AMZ1: variants seen among roughly 807,000 people sequenced by gnomAD.
AMZ1 encodes archaelysin family metallopeptidase 1, also known as archaemetzincin-1.
AMZ1 carries 39 observed loss-of-function variants against 29.9 expected under a neutral mutation model. The observed-to-expected ratio is 1.30, with a 90% CI of 1.01 to 1.70. The LOEUF is 1.70. Ranked by LOEUF, AMZ1 falls within the 40% of genes most tolerant of loss-of-function variation. The probability of loss-of-function intolerance (pLI) is 0.00; values close to 1 mark genes in which losing one functional copy is unlikely to be tolerated. For missense variants in AMZ1, 1,041 were observed against 680.6 expected (o/e 1.53, Z -5.89); for synonymous variants, 458 against 304.0 (o/e 1.51, Z -5.27).
chr7:2,737,277 T>TTGTTTTG lies in AMZ1; in HGVS notation n.551-27434_551-27433insGTTTTGT, dbSNP rs1355722823. On this transcript the variant is annotated intron_variant and non_coding_transcript_variant, in intron 4 of 4. Transcript: ENST00000489665. ...AGCTATCTCACAGTTTTGTTTTGTT[T>TTGTTTTG]TTTTTTTTTTTGTTTTTTTTTTTTT... is the stretch of plus-strand genomic sequence containing the variant. Among the ~76,000 whole-genome samples the TTGTTTTG allele has an allele frequency of 2.2e-3, 146 of 67,602 alleles. 2 individuals are homozygous for TTGTTTTG. Among genetic ancestry groups the TTGTTTTG allele is most frequent in the African/African-American group, 9.2e-3 (141 of 15,264 alleles). The allele number at this position is 67,602 out of a possible 152,430, so 44.3% of individuals were successfully genotyped here. A position where few individuals can be genotyped will look rare whatever the true frequency, so the allele number is the denominator to read the frequency against.
intron 4 of AMZ1, among the ~76,000 whole-genome samples, chr7:2,737,264 G>GTT (rs201866976): frequency 9.0e-4 from 47 of 52,474 alleles, no homozygotes; most frequent in East Asian, 3.3e-3. Context: ...CTATCTCACA[G>GTT]TTTTGTTTTG....
At chr7:2,697,399 A>G (rs1787807571) in intron 1 of AMZ1, among the ~76,000 whole-genome samples, 1 of 151,888 alleles carries the variant, frequency 6.6e-6, no homozygotes. Flanking sequence ...GCCCGGCTCT[A>G]TTTTTTATTT....
chr7:2,701,507 C>CCAGG (rs1000710345), intron 2 of AMZ1, among the ~76,000 whole-genome samples: 3 of 152,096 alleles, frequency 2.0e-5, no homozygotes, highest in African/African-American at 7.2e-5. Flanking sequence ...TCTGGGGGAC[C>CCAGG]CAGGGTGAAT....
chr7:2,741,622 T>C (rs2086616351), intron 4 of AMZ1, among the ~76,000 whole-genome samples: 1 of 152,138 alleles, frequency 6.6e-6, no homozygotes, highest in South Asian at 2.1e-4. Flanking sequence ...AAAGAGCTCA[T>C]ACAGTCTTTC....
At chr7:2,700,792 G>A (rs1458861087) in intron 2 of AMZ1, 37 bp downstream of exon 2, 1 of 1,600,008 alleles carries the variant, frequency 6.2e-7, no homozygotes, top group Non-Finnish European at 8.5e-7. Context: ...CGCTCCTGGG[G>A]GACCAGCTTA....
intron 4 of AMZ1, among the ~76,000 whole-genome samples, chr7:2,758,780 G>A: frequency 6.6e-6 from 1 of 152,192 alleles, no homozygotes; most frequent in Non-Finnish European, 1.5e-5. Flanking sequence ...GGATAATCAA[G>A]TGCAGTTTAC....
intron 4 of AMZ1, among the ~76,000 whole-genome samples, chr7:2,742,497 T>C (rs778470205): frequency 1.5e-4 from 23 of 152,336 alleles, no homozygotes; most frequent in Non-Finnish European, 2.8e-4. Flanking sequence ...CTCATCGCTG[T>C]CCACATGGAC....
intron 3 of AMZ1, among the ~76,000 whole-genome samples, chr7:2,706,737 C>T (rs1291116272): frequency 1.3e-5 from 2 of 151,668 alleles, no homozygotes; most frequent in Non-Finnish European, 1.5e-5. Flanking sequence ...CTGCACAGAT[C>T]CTGTTTCCAA....
At chr7:2,687,552 G>C (rs1390046226), upstream of AMZ1, among the ~76,000 whole-genome samples, 1 of 152,228 alleles carries the variant, frequency 6.6e-6, no homozygotes, top group Non-Finnish European at 1.5e-5. Context: ...CGGCCTTCAC[G>C]GCATCCTTCC....
chr7:2,711,592 TA>T (rs1300445037), intron 6 of AMZ1, among the ~76,000 whole-genome samples: 1 of 152,222 alleles, frequency 6.6e-6, no homozygotes, highest in African/African-American at 2.4e-5. Flanking sequence ...GCCTTTGCTT[TA>T]CATTTTTTTC....
intron 1 of AMZ1, among the ~76,000 whole-genome samples, chr7:2,699,354 C>T (rs1039840755): frequency 1.3e-5 from 2 of 152,316 alleles, no homozygotes; most frequent in South Asian, 4.1e-4. Context: ...CACCCCCCAC[C>T]GTCTCCTCCC....
At position 2,700,374 on chromosome 7, in the gene AMZ1, G is replaced by A. The variant is rs1787975540; in HGVS notation, c.-78G>A. On this transcript the variant is annotated 5_prime_UTR_variant, in exon 2 of 7. Coordinates refer to ENST00000683327, the MANE Select transcript of AMZ1 (RefSeq NM_001384743.1). ...ATCAGCCCGAGGGAAGATTCTGGAC[G>A]AGACCGTGGCCGTCCCCCGGGTGGC... 6 of 1,503,898 alleles carry A rather than the reference G, an allele frequency of 4.0e-6. No individual in the cohort carries two copies. The highest frequency in any genetic ancestry group is 5.3e-6 in the Non-Finnish European group (6 of 1,121,906). 93.2% of individuals were successfully genotyped at this position (1,503,898 alleles called of 1,614,324 possible).
At chr7:2,721,769 C>A (rs1789432300), downstream of AMZ1, among the ~76,000 whole-genome samples, 1 of 151,260 alleles carries the variant, frequency 6.6e-6, no homozygotes, top group African/African-American at 2.4e-5. Context: ...GGGCCCCCCA[C>A]TTCTCAGCAG....
chr7:2,735,324 G>C (rs2115299665), intron 4 of AMZ1, among the ~76,000 whole-genome samples: 1 of 152,220 alleles, frequency 6.6e-6, no homozygotes, highest in Non-Finnish European at 1.5e-5. Context: ...TTCTAGGCAG[G>C]TGGTGGCACC....
rs1027638860 is a variant in AMZ1, at chr7:2,717,471, C to G, written c.*4593C>G. On this transcript the variant is annotated 3_prime_UTR_variant, in exon 7 of 7. Coordinates refer to ENST00000683327, the MANE Select transcript of AMZ1 (RefSeq NM_001384743.1). The stretch of plus-strand genomic sequence containing the variant: ...CCGGCTCGCCCTGTACCCAAGGGCT[C>G]TCTGGAGCTCACCCCGCACGCAGGC... Among the ~76,000 whole-genome samples the G allele has an allele frequency of 1.3e-5, 2 of 152,334 alleles. No homozygotes were observed. The highest frequency in any genetic ancestry group is 2.9e-5 in the Non-Finnish European group (2 of 68,032).
intron 4 of AMZ1, among the ~76,000 whole-genome samples, chr7:2,742,951 G>A (rs536187194): frequency 9.2e-5 from 14 of 152,284 alleles, no homozygotes; most frequent in Admixed American, 7.2e-4. Flanking sequence ...AATTTTCCAG[G>A]TGCACACTCA....
chr7:2,711,948 A>C (rs1034954), intron 6 of AMZ1, among the ~76,000 whole-genome samples: 2 of 152,168 alleles, frequency 1.3e-5, no homozygotes, highest in East Asian at 3.9e-4. Context: ...TCAGGAGGCC[A>C]ACGCAGGAGA....
intron 4 of AMZ1, among the ~76,000 whole-genome samples, chr7:2,734,823 G>A (rs1790078929): frequency 6.6e-6 from 1 of 152,168 alleles, no homozygotes; most frequent in Non-Finnish European, 1.5e-5. Flanking sequence ...GGGCGAGCAC[G>A]TGCACCTCGT....
chr7:2,695,810 A>C (rs1787680439), intron 1 of AMZ1, among the ~76,000 whole-genome samples: 1 of 152,182 alleles, frequency 6.6e-6, no homozygotes, highest in Admixed American at 6.5e-5. Context: ...CAGGAGTTCG[A>C]GACCAGCCTG....
Sources: allele counts gnomAD v4.1 joint callset (sites outside exome capture counted in the v4.1 genomes callset), GRCh38; gene constraint gnomAD v4.1.1; transcripts MANE v1.5; gene names NCBI Gene and HGNC (gene_info 2026-07-23, HGNC 2026-07-21).